Variants in OLA1 observed in about 807,000 individuals in gnomAD.
OLA1 encodes obg-like ATPase 1.
OLA1 carries 14 observed loss-of-function variants against 48.4 expected under a neutral mutation model. The ratio of observed to expected loss-of-function variants is 0.29; its 90% confidence interval spans 0.19 to 0.45. OLA1 has a LOEUF of 0.45. Ranked by LOEUF, OLA1 falls within the 20% of genes least tolerant of loss-of-function variation. OLA1 has a pLI of 1.00. For missense variants in OLA1, 325 were observed against 467.1 expected, an observed-to-expected ratio of 0.70 and a Z score of 2.80; for synonymous variants, 127 against 150.4, an observed-to-expected ratio of 0.84 and a Z score of 1.14.
Position 174,218,372 on chromosome 2 carries a change from A to G in OLA1, c.373+4661T>C, listed in dbSNP as rs181361689. On this transcript the variant is annotated intron_variant, in intron 4 of 10. Coordinates refer to ENST00000284719, the MANE Select transcript of OLA1 (RefSeq NM_013341.5). The stretch of plus-strand genomic sequence containing the variant: ...CACTTCTCACAAAGCTTTCCTGATG[A>G]AAAAAAAACCACCAGAATTAAAAGA... 3.3e-4 allele frequency among the ~76,000 whole-genome samples: 47 copies of G among 144,468 alleles called. No individual in the cohort carries two copies. In the East Asian group the frequency reaches 4.3e-3, roughly 13 times the overall value. The allele number at this position is 144,468 out of a possible 152,430, so 94.8% of individuals were successfully genotyped here.
chr2:174,247,894 T>A (rs1689162241), intron 1 of OLA1: 2 of 1,200,556 alleles, frequency 1.7e-6, no homozygotes, highest in South Asian at 3.0e-5. Flanking sequence ...GACTGCAAAG[T>A]GAAATCACAA....
chr2:174,185,665 C>A (rs1033027983), intron 4 of OLA1, among the ~76,000 whole-genome samples: 3 of 152,182 alleles, frequency 2.0e-5, no homozygotes, highest in African/African-American at 7.2e-5. Flanking sequence ...CGGTGGCTCA[C>A]ACCTGTAATC....
chr2:174,109,960 C>T (rs1183552760), intron 7 of OLA1, among the ~76,000 whole-genome samples: 3 of 152,136 alleles, frequency 2.0e-5, no homozygotes, highest in Non-Finnish European at 4.4e-5. Context: ...TCTTCCCACC[C>T]TCTTTCCTCA....
chr2:174,197,304 G>T (rs537621989), intron 4 of OLA1, among the ~76,000 whole-genome samples: 2 of 152,122 alleles, frequency 1.3e-5, no homozygotes, highest in South Asian at 4.2e-4. Context: ...GTTTCTCACT[G>T]ATGGCAAAAA....
At chr2:174,174,741 A>G (rs1687384707) in intron 4 of OLA1, among the ~76,000 whole-genome samples, 1 of 152,070 alleles carries the variant, frequency 6.6e-6, no homozygotes, top group Admixed American at 6.5e-5. Flanking sequence ...TCAAAAATCA[A>G]TGAAATTCCA....
intron 7 of OLA1, among the ~76,000 whole-genome samples, chr2:174,102,594 A>G (rs1198486976): frequency 6.6e-6 from 1 of 152,126 alleles, no homozygotes; most frequent in Non-Finnish European, 1.5e-5. Flanking sequence ...TATAGTTTTG[A>G]GGAAGAACAT....
At chr2:174,240,076 A>T (rs1688959554) in intron 2 of OLA1, 1 of 152,226 alleles carries the variant, frequency 6.6e-6, no homozygotes, top group African/African-American at 2.4e-5. Flanking sequence ...AGGAATTTTT[A>T]AAACTATTTT....
intron 7 of OLA1, 30 bp downstream of exon 7, chr2:174,123,150 T>C: frequency 1.0e-6 from 1 of 992,096 alleles, no homozygotes. Context: ...AGATGATGCA[T>C]CTGGGTATAT....
At chr2:174,161,679 AATAC>A (rs1180535981) in intron 4 of OLA1, among the ~76,000 whole-genome samples, 19 of 66,198 alleles carry the variant, frequency 2.9e-4, no homozygotes, top group Non-Finnish European at 6.0e-4. Context: ...AAAAAAAAAA[AATAC>A]ACACACACAC....
intron 3 of OLA1, among the ~76,000 whole-genome samples, chr2:174,226,814 A>G (rs1688626928): frequency 6.6e-6 from 1 of 152,122 alleles, no homozygotes; most frequent in Admixed American, 6.5e-5. Flanking sequence ...AATGTTCTTC[A>G]ATAGAAACAG....
chr2:174,211,499 AC>A (rs1688243099), intron 4 of OLA1, among the ~76,000 whole-genome samples: 1 of 152,170 alleles, frequency 6.6e-6, no homozygotes, highest in Admixed American at 6.5e-5. Flanking sequence ...TTAATGCAGA[AC>A]TCTAGAAAAT....
At chr2:174,231,085 A>G (rs12463405) in intron 2 of OLA1, among the ~76,000 whole-genome samples, 19,404 of 152,152 alleles carry the variant, frequency 0.13, 1,447 homozygotes, top group East Asian at 0.21. Flanking sequence ...CAGTTTTCCC[A>G]CTGGGGATAT....
chr2:174,130,250 C>G (rs902455309), intron 5 of OLA1, among the ~76,000 whole-genome samples: 10 of 151,864 alleles, frequency 6.6e-5, no homozygotes, highest in African/African-American at 2.4e-4. Flanking sequence ...AGTACTGATC[C>G]CTGGACAACA....
At chr2:174,204,996 T>C (rs75571967) in intron 4 of OLA1, among the ~76,000 whole-genome samples, 2,412 of 152,298 alleles carry the variant, frequency 0.016, 26 homozygotes, top group Non-Finnish European at 0.025. Context: ...GTTGACTCCC[T>C]TCCCATTACA....
chr2:174,243,984 C>G (rs1689070581), intron 2 of OLA1, among the ~76,000 whole-genome samples: 1 of 152,120 alleles, frequency 6.6e-6, no homozygotes, highest in African/African-American at 2.4e-5. Flanking sequence ...GTCGGATTTC[C>G]TTACTCAGGA....
At chr2:174,144,951 A>AAAAAAAAAAAATATATATATAT (rs1181030817) in intron 4 of OLA1, among the ~76,000 whole-genome samples, 1 of 40,294 alleles carries the variant, frequency 2.5e-5, no homozygotes, top group Non-Finnish European at 4.0e-5. Context: ...AAAAAAAAAA[A>AAAAAAAAAAAATATATATATAT]ATATATATAT....
intron 4 of OLA1, 69 bp downstream of exon 4, chr2:174,222,964 T>C: frequency 6.9e-7 from 1 of 1,458,424 alleles, no homozygotes; most frequent in Non-Finnish European, 9.3e-7. Context: ...TCTAATTTTA[T>C]TTGTGCACTA....
intron 4 of OLA1, among the ~76,000 whole-genome samples, chr2:174,209,767 G>A (rs1018935065): frequency 8.5e-5 from 13 of 152,168 alleles, no homozygotes; most frequent in Non-Finnish European, 1.5e-4. Context: ...TTTCCTAAAT[G>A]AAGAAATAAA....
At chr2:174,201,391 G>C (rs57501034) in intron 4 of OLA1, among the ~76,000 whole-genome samples, 4 of 152,312 alleles carry the variant, frequency 2.6e-5, no homozygotes, top group African/African-American at 9.6e-5. Flanking sequence ...AGGCTGGAGT[G>C]CAGTGGCACA....
Sources: allele counts gnomAD v4.1 joint callset (sites outside exome capture counted in the v4.1 genomes callset), GRCh38; gene constraint gnomAD v4.1.1; transcripts MANE v1.5; gene names NCBI Gene and HGNC (gene_info 2026-07-23, HGNC 2026-07-21).